The following XKR9 variants were observed in gnomAD, a reference collection of about 807,000 sequenced individuals.
The protein encoded by XKR9 is XK-related protein 9.
In XKR9, 32 loss-of-function variants were observed where a neutral mutation model predicts 32.0. That is an observed-to-expected ratio of 1.00 (90% confidence interval 0.76 to 1.34). XKR9 has a LOEUF of 1.34. Among genes scored for constraint, XKR9 ranks in the 40% most tolerant of loss-of-function variants. XKR9 has a pLI of 0.00. For synonymous variants in XKR9, 168 were observed against 143.4 expected, an observed-to-expected ratio of 1.17 and a Z score of -1.22; for missense variants, 546 against 429.7, an observed-to-expected ratio of 1.27 and a Z score of -2.39.
the XKR9 span, among the ~76,000 whole-genome samples, chr8:70,864,317 T>A: frequency 6.6e-6 from 1 of 152,286 alleles, no homozygotes; most frequent in East Asian, 1.9e-4. Flanking sequence ...GTCTTGAGTG[T>A]TTTAAGAATC....
rs1332929096 is a variant in XKR9, at chr8:70,735,880, T to A, written c.*1456T>A. 4.3e-4 allele frequency: 65 copies of A among 152,114 alleles called. 1 individual carries two copies. Among genetic ancestry groups the A allele is most frequent in the African/African-American group, 1.4e-3 (58 of 41,464 alleles). 9.4% of individuals were successfully genotyped at this position (152,114 alleles called of 1,614,324 possible). A position where few individuals can be genotyped will look rare whatever the true frequency, so the allele number is the denominator to read the frequency against. ...GTCTATTGTTGTTGGACATTTGGGTTGGTTCCAAGTCTTTGCTATTGTGAA... is the reference window on the plus strand; with the variant it reads ...GTCTATTGTTGTTGGACATTTGGGTAGGTTCCAAGTCTTTGCTATTGTGAA... On this transcript the variant is annotated 3_prime_UTR_variant, in exon 5 of 5. Coordinates refer to ENST00000408926, the MANE Select transcript of XKR9 (RefSeq NM_001011720.2).
At chr8:70,675,552 T>G (rs1818856315) in intron 2 of XKR9, among the ~76,000 whole-genome samples, 3 of 152,228 alleles carry the variant, frequency 2.0e-5, no homozygotes, top group Admixed American at 2.0e-4. Context: ...TTTTCTTGCT[T>G]CCACATCTGG....
chr8:70,674,072 G>T (rs1289218379), intron 1 of XKR9, among the ~76,000 whole-genome samples: 2 of 152,100 alleles, frequency 1.3e-5, no homozygotes, highest in African/African-American at 4.8e-5. Context: ...GGGAGGCTGA[G>T]TCTGGAGGAG....
intron 2 of XKR9, among the ~76,000 whole-genome samples, chr8:70,779,304 C>T (rs1807580247): frequency 1.3e-5 from 2 of 152,158 alleles, no homozygotes; most frequent in African/African-American, 4.8e-5. Flanking sequence ...ATGAAGCCAA[C>T]TTGTTCGTGG....
At chr8:70,856,389 A>G in the XKR9 span, among the ~76,000 whole-genome samples, 1 of 152,216 alleles carries the variant, frequency 6.6e-6, no homozygotes, top group African/African-American at 2.4e-5. Context: ...CCATTACATA[A>G]TGGTAAAGGG....
intron 2 of XKR9, among the ~76,000 whole-genome samples, chr8:70,774,473 A>T (rs1306506826): frequency 2.0e-5 from 3 of 152,042 alleles, no homozygotes; most frequent in Non-Finnish European, 4.4e-5. Flanking sequence ...AAACCAAGTC[A>T]ATATTTGCCT....
At chr8:71,032,539 A>G in the XKR9 span, among the ~76,000 whole-genome samples, 1 of 152,164 alleles carries the variant, frequency 6.6e-6, no homozygotes, top group Admixed American at 6.5e-5. Context: ...CAGACATAAT[A>G]CACCATATAG....
the XKR9 span, among the ~76,000 whole-genome samples, chr8:70,966,677 T>G: frequency 2.0e-5 from 3 of 152,206 alleles, no homozygotes; most frequent in Admixed American, 6.5e-5. Flanking sequence ...ATATCTTTGT[T>G]AATTTTCTGT....
chr8:71,016,681 A>C, the XKR9 span, among the ~76,000 whole-genome samples: 1 of 152,184 alleles, frequency 6.6e-6, no homozygotes, highest in Non-Finnish European at 1.5e-5. Context: ...ATGATACCCC[A>C]GTCACATATT....
chr8:70,681,237 ATTC>A lies in XKR9; in HGVS notation c.182_184del (p.Ser61del), dbSNP rs1819071357. On this transcript the variant is annotated inframe_deletion, in exon 3 of 5. Transcript: ENST00000408926. ...ACACTTGTGGCTCAGTGTTTTAGTT[ATTC>A]TTGGTTCAAGGCTGATTTAAAGAAA... The A allele has an allele frequency of 1.2e-6, 2 of 1,613,514 alleles. No individual in the cohort carries two copies. Among genetic ancestry groups the A allele is most frequent in the Middle Eastern group, 1.7e-4 (1 of 6,054 alleles).
At chr8:70,851,079 C>A in the XKR9 span, among the ~76,000 whole-genome samples, 13 of 152,198 alleles carry the variant, frequency 8.5e-5, no homozygotes, top group Admixed American at 8.5e-4. Flanking sequence ...GCAACTTCAG[C>A]AAAGTCTCAG....
chr8:70,985,982 G>A, the XKR9 span, among the ~76,000 whole-genome samples: 1 of 152,080 alleles, frequency 6.6e-6, no homozygotes, highest in African/African-American at 2.4e-5. Flanking sequence ...AAAGATTACA[G>A]AGGGCAAGTA....
At chr8:70,697,228 G>C (rs1452557861) in intron 3 of XKR9, among the ~76,000 whole-genome samples, 5 of 151,780 alleles carry the variant, frequency 3.3e-5, no homozygotes, top group African/African-American at 4.8e-5. Flanking sequence ...ATGTTGAATA[G>C]GAGTAGTGAG....
the XKR9 span, among the ~76,000 whole-genome samples, chr8:70,827,144 TGATGGAATATTTATTC>T: frequency 2.6e-5 from 4 of 152,188 alleles, no homozygotes; most frequent in African/African-American, 4.8e-5. Flanking sequence ...AAACTCTCTT[TGATGGAATATTTATTC>T]CATGATTAAA....
chr8:70,704,874 T>G (rs1415423311), intron 3 of XKR9, among the ~76,000 whole-genome samples: 1 of 152,182 alleles, frequency 6.6e-6, no homozygotes, highest in East Asian at 1.9e-4. Flanking sequence ...TCTTCTGTAC[T>G]TACAGCTCAA....
At chr8:70,802,907 G>T in the XKR9 span, among the ~76,000 whole-genome samples, 2 of 152,102 alleles carry the variant, frequency 1.3e-5, no homozygotes, top group African/African-American at 4.8e-5. Context: ...TTCAACTTTG[G>T]ATAATCTGAT....
At chr8:70,752,678 G>GT (rs993531949) in intron 2 of XKR9, among the ~76,000 whole-genome samples, 2 of 152,078 alleles carry the variant, frequency 1.3e-5, no homozygotes, top group African/African-American at 4.8e-5. Context: ...CAATTTATCA[G>GT]TTTTTTTCTT....
At chr8:70,862,879 C>A in the XKR9 span, among the ~76,000 whole-genome samples, 1 of 152,002 alleles carries the variant, frequency 6.6e-6, no homozygotes, top group Non-Finnish European at 1.5e-5. Context: ...TGTACTCAGG[C>A]CAAGGAAGGC....
the XKR9 span, among the ~76,000 whole-genome samples, chr8:70,918,777 T>C: frequency 3.1e-3 from 346 of 110,858 alleles, 5 homozygotes; most frequent in African/African-American, 0.011. Flanking sequence ...CCTTTTTTTT[T>C]TTTTTTTTTT....
Sources: gnomAD v4.1 joint callset for allele counts (sites outside exome capture counted in the v4.1 genomes callset) on GRCh38, gnomAD v4.1.1 for gene constraint, MANE v1.5 for transcripts, NCBI Gene and HGNC (gene_info 2026-07-23, HGNC 2026-07-21) for gene names.